TMEM265: variants seen among roughly 807,000 people sequenced by gnomAD.
TMEM265 encodes the protein transmembrane protein 265.
TMEM265 carries 8 observed loss-of-function variants against 9.5 expected under a neutral mutation model. The observed-to-expected ratio is 0.84, with a 90% CI of 0.49 to 1.52. The LOEUF is 1.52. Ranked by LOEUF, TMEM265 falls within the 40% of genes most tolerant of loss-of-function variation. The pLI is 0.00. For missense variants in TMEM265, 152 were observed against 146.2 expected (o/e 1.04, Z -0.21); for synonymous variants, 53 against 56.9 (o/e 0.93, Z 0.31).
At chr16:30,742,083 G>C (rs1252012540) in intron 2 of TMEM265, among the ~76,000 whole-genome samples, 175 bp downstream of exon 2, 3 of 152,120 alleles carry the variant, frequency 2.0e-5, no homozygotes, top group Admixed American at 6.5e-5. Context: ...TAATGAAAGA[G>C]GTGACAGTGA....
chr16:30,741,995 A>C, intron 2 of TMEM265, 87 bp downstream of exon 2: 1 of 1,357,196 alleles, frequency 7.4e-7, no homozygotes, highest in South Asian at 1.4e-5. Flanking sequence ...CCAGTCACTG[A>C]ATACCTATCA....
At position 30,741,886 on chromosome 16, in the gene TMEM265, T is replaced by C; in HGVS notation, c.143T>C (p.Met48Thr). 2.0e-6 allele frequency: 3 copies of C among 1,533,968 alleles called. No homozygotes were observed. Among genetic ancestry groups the C allele is most frequent in the Non-Finnish European group, 2.6e-6 (3 of 1,146,714 alleles). Residue 48 changes from methionine to threonine, a missense_variant, in exon 2 of 3, where the codon ATG (methionine) becomes ACG (threonine). Met to Thr is a moderately conservative substitution (Grantham distance 81). Transcript: ENST00000615541. ...IICGCSCLGVMALVFAIKAEE... is the reference protein window; with the variant it reads ...IICGCSCLGVTALVFAIKAEE... Reference sequence around the variant, plus strand: ...TGTGGCTGCTCTTGCCTGGGAGTCATGGCTCTGGTGTTTGCCATCAAGGTG... The same window carrying C: ...TGTGGCTGCTCTTGCCTGGGAGTCACGGCTCTGGTGTTTGCCATCAAGGTG...
rs775596783 is a variant in TMEM265, at chr16:30,744,870, T to G, written c.*927T>G. The G allele has an allele frequency of 2.0e-5, 3 of 152,222 alleles. No homozygotes were observed. Among genetic ancestry groups the G allele is most frequent in the Non-Finnish European group, 4.4e-5 (3 of 68,044 alleles). 9.4% of individuals were successfully genotyped at this position (152,222 alleles called of 1,614,324 possible). On this transcript the variant is annotated 3_prime_UTR_variant, in exon 3 of 3. Transcript: ENST00000615541. Reference sequence around the variant, plus strand: ...AGTGATTAAAATGGATTTTCATATCTTTTATCTTGGACCTCATAATATTTC... The same window carrying G: ...AGTGATTAAAATGGATTTTCATATCGTTTATCTTGGACCTCATAATATTTC...
At chr16:30,742,984 A>G (rs779285144) in intron 2 of TMEM265, among the ~76,000 whole-genome samples, 1 of 152,150 alleles carries the variant, frequency 6.6e-6, no homozygotes, top group Admixed American at 6.5e-5. Flanking sequence ...TACACAGGCT[A>G]ACTTAAACTT....
intron 2 of TMEM265, among the ~76,000 whole-genome samples, chr16:30,742,962 T>C (rs1256570824): frequency 5.9e-5 from 9 of 151,462 alleles, no homozygotes; most frequent in Admixed American, 5.3e-4. Flanking sequence ...GCACATGTCC[T>C]TTAGGAAAGG....
rs2053249367 is a variant in TMEM265, at chr16:30,745,176, G to C, written c.*1233G>C. The C allele has an allele frequency of 6.6e-6, 1 of 152,186 alleles. No individual in the cohort carries two copies. The highest frequency in any genetic ancestry group is 2.4e-5 in the African/African-American group (1 of 41,428). 9.4% of individuals were successfully genotyped at this position (152,186 alleles called of 1,614,324 possible). On this transcript the variant is annotated 3_prime_UTR_variant, in exon 3 of 3. Transcript: ENST00000615541. ...TGTATTCTTTTCATGTTAACATTGT[G>C]AGATTCGTCAATATTTGGAATAGGT...
Position 30,743,814 on chromosome 16 carries a change from G to T in TMEM265, c.198G>T (p.Glu66Asp). The change falls in exon 3 of 3, where the codon GAG (glutamate) becomes GAT (aspartate). Residue 66 changes from glutamate (E) to aspartate (D), a missense_variant. Physicochemically the swap from Glu to Asp is conservative, Grantham distance 45. Transcript: ENST00000615541. ...AGCGGCATAAAGCAGGCCGGTCCGAGGAGGCAGTGCGCTGGGGGGCCCGGG... is the reference window on the plus strand; with the variant it reads ...AGCGGCATAAAGCAGGCCGGTCCGATGAGGCAGTGCGCTGGGGGGCCCGGG... ...AEERHKAGRS[E>D]EAVRWGARAR... 6.5e-7 allele frequency: 1 copy of T among 1,533,546 alleles called. No individual in the cohort carries two copies. The highest frequency in any genetic ancestry group is 8.7e-7 in the Non-Finnish European group (1 of 1,146,552). 95.0% of individuals were successfully genotyped at this position (1,533,546 alleles called of 1,614,324 possible).
intron 2 of TMEM265, among the ~76,000 whole-genome samples, chr16:30,743,369 G>A (rs181198010): frequency 6.6e-6 from 1 of 151,876 alleles, no homozygotes; most frequent in East Asian, 1.9e-4. Flanking sequence ...TGACAGGAGT[G>A]AAACTGTCTC....
intron 2 of TMEM265, 125 bp from the exon 3 acceptor site, chr16:30,743,656 GA>G: frequency 8.4e-7 from 1 of 1,185,952 alleles, no homozygotes; most frequent in East Asian, 2.6e-5. Flanking sequence ...TCAGAAACTG[GA>G]AAGGGAGGTA....
chr16:30,741,212 C>G (rs375428172), intron 1 of TMEM265: 1 of 152,264 alleles, frequency 6.6e-6, no homozygotes, highest in East Asian at 1.9e-4. Context: ...TAATAAAGGG[C>G]TTACTTGGGT....
Position 30,744,105 on chromosome 16 carries a change from G to A in TMEM265, c.*162G>A. The A allele has an allele frequency of 1.2e-6, 1 of 824,850 alleles. No individual in the cohort carries two copies. The highest frequency in any genetic ancestry group is 1.8e-6 in the Non-Finnish European group (1 of 557,796). 51.1% of individuals were successfully genotyped at this position (824,850 alleles called of 1,614,324 possible). On this transcript the variant is annotated 3_prime_UTR_variant, in exon 3 of 3. Coordinates refer to ENST00000615541, the MANE Select transcript of TMEM265 (RefSeq NM_001256829.2). ...GCTCTTCTAGCCCTTTATAAAAGGA[G>A]GGCAGCAGCTGAGACTGATGAGAGG...
Position 30,745,108 on chromosome 16 carries a change from C to T in TMEM265, c.*1165C>T, listed in dbSNP as rs1419449577. 1 of 152,192 alleles carries T rather than the reference C, an allele frequency of 6.6e-6. No homozygotes were observed. The highest frequency in any genetic ancestry group is 1.5e-5 in the Non-Finnish European group (1 of 68,038). The allele number at this position is 152,192 out of a possible 1,614,324, so 9.4% of individuals were successfully genotyped here. On this transcript the variant is annotated 3_prime_UTR_variant, in exon 3 of 3. Transcript: ENST00000615541. ...CCACCATTCTGACTTCTAGCAGTGT[C>T]ATTTAATTTTGTCTGCATTTGAACT...
chr16:30,742,668 C>T (rs2053232818), intron 2 of TMEM265, among the ~76,000 whole-genome samples: 1 of 151,958 alleles, frequency 6.6e-6, no homozygotes, highest in African/African-American at 2.4e-5. Flanking sequence ...TGACTTAGGC[C>T]TGTAATCCCA....
chr16:30,742,940 C>CA (rs79292764), intron 2 of TMEM265, among the ~76,000 whole-genome samples: 4 of 124,186 alleles, frequency 3.2e-5, no homozygotes, highest in African/African-American at 8.8e-5. Flanking sequence ...AAAAAAAAAA[C>CA]AAAAAAAAAC....
At chr16:30,741,499 A>G in intron 1 of TMEM265, 1 of 438,842 alleles carries the variant, frequency 2.3e-6, no homozygotes, top group Non-Finnish European at 4.1e-6. Context: ...TAATACAGAT[A>G]ATGCCTTGTC....
Position 30,743,811 on chromosome 16 carries a change from C to G in TMEM265, c.195C>G (p.Ser65=), listed in dbSNP as rs1458227412. ...AAGAGCGGCATAAAGCAGGCCGGTCCGAGGAGGCAGTGCGCTGGGGGGCCC... is the reference window on the plus strand; with the variant it reads ...AAGAGCGGCATAAAGCAGGCCGGTCGGAGGAGGCAGTGCGCTGGGGGGCCC... ...KAEERHKAGR[S]EEAVRWGARA... is the part of the protein sequence containing the mutation. The change falls in exon 3 of 3, where the codon TCC becomes TCG. Residue 65 remains serine, a synonymous_variant. Transcript: ENST00000615541. 1 of 1,532,976 alleles carries G rather than the reference C, an allele frequency of 6.5e-7. No individual in the cohort carries two copies. The highest frequency in any genetic ancestry group is 8.7e-7 in the Non-Finnish European group (1 of 1,146,304). 95.0% of individuals were successfully genotyped at this position (1,532,976 alleles called of 1,614,324 possible). A position where few individuals can be genotyped will look rare whatever the true frequency, so the allele number is the denominator to read the frequency against.
Position 30,744,514 on chromosome 16 carries a change from A to C in TMEM265, c.*571A>C, listed in dbSNP as rs981373885. 6.6e-6 allele frequency: 1 copy of C among 152,096 alleles called. No homozygotes were observed. The allele number at this position is 152,096 out of a possible 1,614,324, so 9.4% of individuals were successfully genotyped here. A position where few individuals can be genotyped will look rare whatever the true frequency, so the allele number is the denominator to read the frequency against. Reference sequence around the variant, plus strand: ...AGAGTAGTAGCAGCTGCTACTATTTATTACTTACTATATTCCAGGCTGTGT... The same window carrying C: ...AGAGTAGTAGCAGCTGCTACTATTTCTTACTTACTATATTCCAGGCTGTGT... On this transcript the variant is annotated 3_prime_UTR_variant, in exon 3 of 3. Transcript: ENST00000615541.
chr16:30,744,303 C>T lies in TMEM265; in HGVS notation c.*360C>T, dbSNP rs2151303434. The T allele has an allele frequency of 5.9e-6, 1 of 168,712 alleles. No homozygotes were observed. Among genetic ancestry groups the T allele is most frequent in the Admixed American group, 6.3e-5 (1 of 15,778 alleles). 10.5% of individuals were successfully genotyped at this position (168,712 alleles called of 1,614,324 possible). A position where few individuals can be genotyped will look rare whatever the true frequency, so the allele number is the denominator to read the frequency against. Reference sequence around the variant, plus strand: ...GAAATACTCCTGTCTAATTGTTCTCCTCCTGCTTTCCCTTGGGCCCTTGGT... The same window carrying T: ...GAAATACTCCTGTCTAATTGTTCTCTTCCTGCTTTCCCTTGGGCCCTTGGT... On this transcript the variant is annotated 3_prime_UTR_variant, in exon 3 of 3. Coordinates refer to ENST00000615541, the MANE Select transcript of TMEM265 (RefSeq NM_001256829.2).
rs1401655759 is a variant in TMEM265 at position 30,743,912 on chromosome 16, T to A, written c.296T>A (p.Leu99Ter). The change falls in exon 3 of 3, where the codon TTG (leucine) becomes TAG (stop). Residue 99 changes from leucine (L) to a stop codon, truncating the protein, a stop_gained. Coordinates refer to ENST00000615541, the MANE Select transcript of TMEM265 (RefSeq NM_001256829.2). LOFTEE classifies it high-confidence loss of function. ...ATTCTGGGTCCCCTGCTGCTGTGGTTGCTCTCCTACGCCATCGCTCAGGCT... is the reference window on the plus strand; with the variant it reads ...ATTCTGGGTCCCCTGCTGCTGTGGTAGCTCTCCTACGCCATCGCTCAGGCT... ...VLILGPLLLW[L>*]LSYAIAQAE 6.5e-7 allele frequency: 1 copy of A among 1,533,922 alleles called. No individual in the cohort carries two copies. The highest frequency in any genetic ancestry group is 2.0e-5 in the Admixed American group (1 of 50,990).
Sources: gnomAD v4.1 joint callset for allele counts (sites outside exome capture counted in the v4.1 genomes callset) on GRCh38, gnomAD v4.1.1 for gene constraint, MANE v1.5 for transcripts, NCBI Gene and HGNC (gene_info 2026-07-23, HGNC 2026-07-21) for gene names.